The following FOXP1 variants were observed in gnomAD, a reference collection of about 807,000 sequenced individuals.
The protein encoded by FOXP1 is forkhead box P1.
Under a neutral mutation model 98.2 loss-of-function variants are expected in FOXP1, and 15 were observed. The observed-to-expected ratio is 0.15, with a 90% CI of 0.10 to 0.24. The LOEUF is 0.24. Among genes scored for constraint, FOXP1 ranks in the 10% least tolerant of loss-of-function variants. FOXP1 has a pLI of 1.00. For missense variants in FOXP1, 633 were observed against 848.5 expected (o/e 0.75, Z 3.15); for synonymous variants, 371 against 314.5 (o/e 1.18, Z -1.90).
At chr3:71,061,611 G>C (rs1479103582) in intron 7 of FOXP1, among the ~76,000 whole-genome samples, 1 of 152,090 alleles carries the variant, frequency 6.6e-6, no homozygotes, top group African/African-American at 2.4e-5. Context: ...CACACATATA[G>C]ACACAATTTA....
At chr3:71,556,360 G>A (rs1016611161) in intron 2 of FOXP1, among the ~76,000 whole-genome samples, 3 of 151,962 alleles carry the variant, frequency 2.0e-5, no homozygotes, top group Admixed American at 6.6e-5. Flanking sequence ...AGCAGATCAC[G>A]AGGTCAGGAG....
At chr3:71,219,864 C>T (rs1005194127) in intron 5 of FOXP1, among the ~76,000 whole-genome samples, 32 of 13,150 alleles carry the variant, frequency 2.4e-3, no homozygotes, top group African/African-American at 0.015. Context: ...GTGCTCTCCC[C>T]ACTCTCTCTC....
chr3:71,058,845 C>A (rs940628789), intron 7 of FOXP1, among the ~76,000 whole-genome samples: 1 of 149,238 alleles, frequency 6.7e-6, no homozygotes, highest in Non-Finnish European at 1.5e-5. Context: ...AACTATCATA[C>A]AGGAAAGAAA....
chr3:71,537,480 G>A (rs1472237124), intron 2 of FOXP1, among the ~76,000 whole-genome samples: 1 of 152,232 alleles, frequency 6.6e-6, no homozygotes, highest in Admixed American at 6.5e-5. Flanking sequence ...CACCAGGCAG[G>A]CGCAGAGGCC....
At chr3:71,169,117 A>G (rs183748814) in intron 6 of FOXP1, among the ~76,000 whole-genome samples, 51 of 152,322 alleles carry the variant, frequency 3.3e-4, no homozygotes, top group African/African-American at 1.2e-3. Flanking sequence ...ATACCTGCTC[A>G]TAAACTGAGG....
chr3:71,312,747 G>A (rs2074782081), intron 4 of FOXP1, among the ~76,000 whole-genome samples: 1 of 152,196 alleles, frequency 6.6e-6, no homozygotes, highest in Non-Finnish European at 1.5e-5. Context: ...CACTCTGGGA[G>A]GCCAAGGCAG....
At chr3:70,967,700 G>GTTTT (rs1553657848) in intron 19 of FOXP1, among the ~76,000 whole-genome samples, 50 of 63,640 alleles carry the variant, frequency 7.9e-4, no homozygotes, top group Non-Finnish European at 9.4e-4. Context: ...TTTTTTTTTT[G>GTTTT]TTTTTTTTTG....
chr3:71,104,041 C>A (rs898915128), intron 7 of FOXP1, among the ~76,000 whole-genome samples: 4 of 152,048 alleles, frequency 2.6e-5, no homozygotes, highest in Admixed American at 6.6e-5. Flanking sequence ...AGAAGATTCA[C>A]ACAGGAAAAA....
intron 12 of FOXP1, 118 bp from the exon 13 acceptor site, chr3:71,001,177 C>A: frequency 1.3e-6 from 1 of 741,100 alleles, no homozygotes; most frequent in Non-Finnish European, 2.4e-6. Flanking sequence ...AGATAGTAGT[C>A]CAGGGGGTGG....
chr3:71,369,701 G>A (rs184345561), intron 3 of FOXP1, among the ~76,000 whole-genome samples: 9 of 152,208 alleles, frequency 5.9e-5, no homozygotes, highest in South Asian at 4.2e-4. Context: ...CAGGGACCAT[G>A]TCTTAATATC....
At chr3:70,985,208 A>AAATT (rs1342968451) in intron 14 of FOXP1, among the ~76,000 whole-genome samples, 3 of 152,214 alleles carry the variant, frequency 2.0e-5, no homozygotes, top group African/African-American at 7.2e-5. Context: ...TGCCTGTTTC[A>AAATT]AATTAAAGAT....
intron 11 of FOXP1, among the ~76,000 whole-genome samples, chr3:71,036,186 A>T (rs1272574967): frequency 1.3e-5 from 2 of 152,082 alleles, no homozygotes; most frequent in African/African-American, 4.8e-5. Context: ...TTCAGGGGTT[A>T]TTTGAAGGCA....
At position 71,003,226 on chromosome 3, in the gene FOXP1, G is replaced by A. The variant is rs1471950546; in HGVS notation, c.975-2167C>T. On this transcript the variant is annotated intron_variant, in intron 12 of 20. Transcript: ENST00000649528. ...AGGCCTTCACTTACTTGATTACTCC[G>A]CTAGCAGTGGATCTACAAGGGGTTG... Among the ~76,000 whole-genome samples the A allele has an allele frequency of 3.3e-5, 5 of 152,274 alleles. No homozygotes were observed. In the East Asian group the frequency reaches 9.7e-4, roughly 29 times the overall value.
At chr3:71,130,611 A>G in intron 6 of FOXP1, 2 of 1,598,196 alleles carry the variant, frequency 1.3e-6, no homozygotes, top group Non-Finnish European at 1.7e-6. Context: ...GCCGAGTGGT[A>G]AAAAAGATGT....
At chr3:71,279,631 C>T (rs1299698219) in intron 5 of FOXP1, among the ~76,000 whole-genome samples, 2 of 152,052 alleles carry the variant, frequency 1.3e-5, no homozygotes, top group Non-Finnish European at 2.9e-5. Flanking sequence ...TATACAATCT[C>T]GTGTATCCAA....
At chr3:71,361,279 AT>A (rs1193545951) in intron 3 of FOXP1, among the ~76,000 whole-genome samples, 3 of 152,112 alleles carry the variant, frequency 2.0e-5, no homozygotes, top group Admixed American at 6.5e-5. Context: ...AGTTAATTAT[AT>A]TGTTTTCAGT....
intron 2 of FOXP1, among the ~76,000 whole-genome samples, chr3:71,519,537 C>T (rs985020407): frequency 2.6e-5 from 4 of 152,150 alleles, no homozygotes; most frequent in Non-Finnish European, 5.9e-5. Flanking sequence ...TTCTAAGGCC[C>T]CATCTCTACT....
In FOXP1 at chr3:71,396,972, ATATATATATGTG is replaced by A. The variant is rs1206330804; in HGVS notation, c.-167-37740_-167-37729del. Among the ~76,000 whole-genome samples, 50 of 59,618 alleles carry A rather than the reference ATATATATATGTG, an allele frequency of 8.4e-4. 6 individuals are homozygous for A. Among genetic ancestry groups the A allele is most frequent in the African/African-American group, 2.7e-3 (38 of 13,894 alleles). 39.1% of individuals were successfully genotyped at this position (59,618 alleles called of 152,430 possible). On this transcript the variant is annotated intron_variant, in intron 3 of 20. Coordinates refer to ENST00000649528, the MANE Select transcript of FOXP1 (RefSeq NM_001349338.3). ...TGTGTATATATATATATGTGTGTAT[ATATATATATGTG>A]TATATATATACACATATATATGTGT...
chr3:71,347,829 G>A (rs534978561), intron 4 of FOXP1, among the ~76,000 whole-genome samples: 2 of 151,810 alleles, frequency 1.3e-5, no homozygotes, highest in Non-Finnish European at 2.9e-5. Flanking sequence ...AGGTTGCAGT[G>A]AGCAGAGATC....
Sources: gnomAD v4.1 joint callset for allele counts (sites outside exome capture counted in the v4.1 genomes callset) on GRCh38, gnomAD v4.1.1 for gene constraint, MANE v1.5 for transcripts, NCBI Gene and HGNC (gene_info 2026-07-23, HGNC 2026-07-21) for gene names.